HEATR6: variants seen among roughly 807,000 people sequenced by gnomAD.
HEATR6 encodes the protein HEAT repeat containing 6.
HEATR6 carries 106 observed loss-of-function variants against 132.8 expected under a neutral mutation model. That is an observed-to-expected ratio of 0.80 (90% CI 0.68 to 0.94). The LOEUF is 0.94. Among genes scored for constraint, HEATR6 ranks in the 40% least tolerant of loss-of-function variants. HEATR6 has a pLI of 0.00. For missense variants in HEATR6, 1,339 were observed against 1,425.1 expected, an observed-to-expected ratio of 0.94 and a Z score of 0.97; for synonymous variants, 529 against 537.8, an observed-to-expected ratio of 0.98 and a Z score of 0.23.
intron 15 of HEATR6, among the ~76,000 whole-genome samples, chr17:60,050,328 G>A (rs1405497061): frequency 6.6e-6 from 1 of 152,130 alleles, no homozygotes; most frequent in East Asian, 1.9e-4. Context: ...CCAGAACTAT[G>A]AGAAATACAT....
Position 60,070,795 on chromosome 17 carries a change from C to A in HEATR6, c.712G>T (p.Ala238Ser), listed in dbSNP as rs747959831. ...DITFCMLLQN[A>S]LKGIQSLLNG... ...AGAAGTGACTGTATACCTTTTAATG[C>A]ATTTTGCAATAACTAGGGGGAAAAG... Residue 238 changes from alanine (A) to serine (S), a missense_variant, in exon 6 of 20, where the codon GCA (alanine) becomes TCA (serine). Coordinates refer to ENST00000184956, the MANE Select transcript of HEATR6 (RefSeq NM_022070.5). 7 of 1,586,610 alleles carry A rather than the reference C, an allele frequency of 4.4e-6. No individual in the cohort carries two copies. In the Admixed American group the frequency reaches 1.2e-4, roughly 27 times the overall value.
At chr17:60,049,553 A>G in intron 16 of HEATR6, 27 bp downstream of exon 16, 1 of 1,612,840 alleles carries the variant, frequency 6.2e-7, no homozygotes, top group South Asian at 1.1e-5. Context: ...AAAGGGGCAC[A>G]GAAGAGCTAA....
chr17:60,061,127 C>T (rs1597951599), intron 9 of HEATR6, among the ~76,000 whole-genome samples: 1 of 152,222 alleles, frequency 6.6e-6, no homozygotes, highest in African/African-American at 2.4e-5. Context: ...CATTTTCAGT[C>T]AAAAAATTTA....
At chr17:60,053,974 G>A (rs1906662847) in intron 14 of HEATR6, among the ~76,000 whole-genome samples, 1 of 152,322 alleles carries the variant, frequency 6.6e-6, no homozygotes, top group Middle Eastern at 3.4e-3. Flanking sequence ...AGATTAGCAC[G>A]ACTAAAAGGG....
At chr17:60,056,534 T>G (rs1374662844) in intron 12 of HEATR6, among the ~76,000 whole-genome samples, 1 of 152,180 alleles carries the variant, frequency 6.6e-6, no homozygotes, top group Non-Finnish European at 1.5e-5. Context: ...CCTGACAAGA[T>G]GAAAGGACAT....
At chr17:60,047,758 A>G (rs559016341) in intron 17 of HEATR6, among the ~76,000 whole-genome samples, 1 of 152,360 alleles carries the variant, frequency 6.6e-6, no homozygotes, top group African/African-American at 2.4e-5. Flanking sequence ...TAACAAGTCA[A>G]TAATAGAATG....
At chr17:60,059,064 G>A (rs72840345) in intron 11 of HEATR6, among the ~76,000 whole-genome samples, 14,475 of 152,116 alleles carry the variant, frequency 0.095, 883 homozygotes, top group African/African-American at 0.17. Flanking sequence ...CCGTCTGTCT[G>A]TCTATCTAAC....
At chr17:60,054,010 C>G (rs563947364) in intron 14 of HEATR6, among the ~76,000 whole-genome samples, 1 of 152,170 alleles carries the variant, frequency 6.6e-6, no homozygotes, top group South Asian at 2.1e-4. Flanking sequence ...GCCAAGACTA[C>G]GGGAAAACAG....
chr17:60,073,732 G>A lies in HEATR6; in HGVS notation c.468+14C>T. On this transcript the variant is annotated intron_variant, in intron 3 of 19. Transcript: ENST00000184956. ...CCTGGCCTTTCAAAGGAAGGATAAAGCACTTTAAACTACCTTTTGACATTT... is the reference window on the plus strand; with the variant it reads ...CCTGGCCTTTCAAAGGAAGGATAAAACACTTTAAACTACCTTTTGACATTT... 6.2e-7 allele frequency: 1 copy of A among 1,612,602 alleles called. No homozygotes were observed. The highest frequency in any genetic ancestry group is 8.5e-7 in the Non-Finnish European group (1 of 1,179,226).
chr17:60,048,292 T>G lies in HEATR6; in HGVS notation c.2644A>C (p.Asn882His). 1 of 1,613,798 alleles carries G rather than the reference T, an allele frequency of 6.2e-7. No homozygotes were observed. Among genetic ancestry groups the G allele is most frequent in the Non-Finnish European group, 8.5e-7 (1 of 1,179,756 alleles). Reference protein sequence around the residue: ...VRAKAAWSLGNLTDTLIVNME... With the variant: ...VRAKAAWSLGHLTDTLIVNME... Reference sequence around the variant, plus strand: ...TTGACAATCAGAGTGTCTGTCAGGTTGCCCAGGGACCAGGCTGCTTTGGCT... The same window carrying G: ...TTGACAATCAGAGTGTCTGTCAGGTGGCCCAGGGACCAGGCTGCTTTGGCT... The change falls in exon 17 of 20, where the codon AAC becomes CAC. Residue 882 changes from asparagine to histidine, a missense_variant. Coordinates refer to ENST00000184956, the MANE Select transcript of HEATR6 (RefSeq NM_022070.5).
In HEATR6 at chr17:60,041,063, C is replaced by T. The variant is rs1598900586; in HGVS notation, c.*2500G>A. Reference sequence around the variant, plus strand: ...GTCTTTATTGTCAGTGGCTTCCTTTCCCCACAGCAGCTTTATGGAGGCACG... The same window carrying T: ...GTCTTTATTGTCAGTGGCTTCCTTTTCCCACAGCAGCTTTATGGAGGCACG... On this transcript the variant is annotated 3_prime_UTR_variant, in exon 20 of 20. Coordinates refer to ENST00000184956, the MANE Select transcript of HEATR6 (RefSeq NM_022070.5). Among the ~76,000 whole-genome samples the T allele has an allele frequency of 6.6e-6, 1 of 152,172 alleles. No homozygotes were observed. The highest frequency in any genetic ancestry group is 1.5e-5 in the Non-Finnish European group (1 of 68,034).
chr17:60,055,525 G>A lies in HEATR6; in HGVS notation c.2279C>T (p.Pro760Leu), dbSNP rs961993518. The A allele has an allele frequency of 1.2e-5, 20 of 1,606,954 alleles. No individual in the cohort carries two copies. The highest frequency in any genetic ancestry group is 1.7e-5 in the Admixed American group (1 of 59,038). The stretch of plus-strand genomic sequence containing the variant: ...TTGACATTTATTTACCAAGAAGACT[G>A]GTGCTCTCTGATCAGGTGCTGCAGT... ...DSTAAPDQRA[P>L]VFLVVMFWTM... is the part of the protein sequence containing the mutation. The change falls in exon 14 of 20, where the codon CCA becomes CTA. Residue 760 changes from proline to leucine, a missense_variant. Transcript: ENST00000184956.
chr17:60,063,976 T>G (rs893468031), intron 9 of HEATR6: 2 of 152,194 alleles, frequency 1.3e-5, no homozygotes, highest in African/African-American at 4.8e-5. Flanking sequence ...TATTTTTAAT[T>G]TTAATGCACA....
rs1278508940 is a variant in HEATR6, at chr17:60,047,387, A to C, written c.2691T>G (p.Ser897Arg). ...GGAGACCAGAGAACTCTTCCTGGAA[A>C]CTTGGGTCTGGTGTTTCCCTGTTCC... is the stretch of plus-strand genomic sequence containing the variant. ...LIVNMETPDP[S>R]FQEEFSGLLL... Residue 897 changes from serine (S) to arginine (R), a missense_variant, in exon 18 of 20, where the codon AGT becomes AGG. Physicochemically the swap from Ser to Arg is moderately radical, Grantham distance 110 (BLOSUM62 -1). Transcript: ENST00000184956. The C allele has an allele frequency of 1.2e-6, 2 of 1,613,026 alleles. No homozygotes were observed. Among genetic ancestry groups the C allele is most frequent in the Non-Finnish European group, 1.7e-6 (2 of 1,179,350 alleles).
At chr17:60,058,447 G>C (rs1906824535) in intron 11 of HEATR6, among the ~76,000 whole-genome samples, 1 of 152,204 alleles carries the variant, frequency 6.6e-6, no homozygotes, top group African/African-American at 2.4e-5. Flanking sequence ...CTCAGCTGAA[G>C]ATGCAGATAA....
intron 16 of HEATR6, among the ~76,000 whole-genome samples, 187 bp from the exon 17 acceptor site, chr17:60,048,575 G>A (rs1387159826): frequency 6.6e-6 from 1 of 152,062 alleles, no homozygotes; most frequent in Non-Finnish European, 1.5e-5. Context: ...AAATCCCAGG[G>A]GAAGCTCCCA....
At chr17:60,070,982 A>G (rs572494991) in intron 5 of HEATR6, among the ~76,000 whole-genome samples, 175 bp from the exon 6 acceptor site, 1 of 152,328 alleles carries the variant, frequency 6.6e-6, no homozygotes, top group South Asian at 2.1e-4. Context: ...AAGGAGACCT[A>G]ATAAACTACC....
At chr17:60,068,275 T>C (rs1045857169) in intron 7 of HEATR6, among the ~76,000 whole-genome samples, 1 of 152,118 alleles carries the variant, frequency 6.6e-6, no homozygotes, top group African/African-American at 2.4e-5. Flanking sequence ...TGGGTCTCTG[T>C]AGAAGTAGAT....
intron 9 of HEATR6, among the ~76,000 whole-genome samples, chr17:60,060,755 C>T (rs981256893): frequency 6.6e-6 from 1 of 152,166 alleles, no homozygotes; most frequent in African/African-American, 2.4e-5. Context: ...GCTTGGCAGA[C>T]ATCATTAGTG....
Sources: allele counts gnomAD v4.1 joint callset (sites outside exome capture counted in the v4.1 genomes callset), GRCh38; gene constraint gnomAD v4.1.1; transcripts MANE v1.5; gene names NCBI Gene and HGNC (gene_info 2026-07-23, HGNC 2026-07-21).